The following ITPRID1 variants were observed in gnomAD, a reference collection of about 807,000 sequenced individuals.
ITPRID1 encodes the protein ITPR interacting domain containing 1.
ITPRID1 carries 96 observed loss-of-function variants against 95.4 expected under a neutral mutation model. The ratio of observed to expected loss-of-function variants is 1.01; its 90% CI spans 0.85 to 1.19. The LOEUF (loss-of-function observed/expected upper bound fraction) is 1.19, where lower values mean the gene tolerates loss of function less well. Ranked by LOEUF, ITPRID1 falls within the 50% of genes most tolerant of loss-of-function variation. The pLI, the probability that ITPRID1 is intolerant of heterozygous loss-of-function variation, is 0.00. For missense variants in ITPRID1, 1,339 were observed against 1,252.9 expected (o/e 1.07, Z -1.04); for synonymous variants, 510 against 453.6 (o/e 1.12, Z -1.58).
At position 31,654,869 on chromosome 7, in the gene ITPRID1, T is replaced by C. The variant is rs1018254176; in HGVS notation, c.*2040T>C. Among the ~76,000 whole-genome samples, 4 of 152,096 alleles carry C rather than the reference T, an allele frequency of 2.6e-5. No individual in the cohort carries two copies. The highest frequency in any genetic ancestry group is 9.7e-5 in the African/African-American group (4 of 41,404). On this transcript the variant is annotated 3_prime_UTR_variant, in exon 15 of 15. Coordinates refer to ENST00000615280, the MANE Select transcript of ITPRID1 (RefSeq NM_001257967.3). ...ACCCACTACTCAAAACCATCTCACA[T>C]CTTGCTTGCACTCTTCCCCTTCCTT... is the stretch of plus-strand genomic sequence containing the variant.
In ITPRID1 at chr7:31,646,458, C is replaced by T. The variant is rs116614205; in HGVS notation, c.2583+2505C>T. ...GTAGGCTGGAAAGAGTAAGAGGTGG[C>T]CCTGGGGGAAAAGGCACAGGAACCC... is the stretch of plus-strand genomic sequence containing the variant. On this transcript the variant is annotated intron_variant, in intron 12 of 14. Transcript: ENST00000615280. Among the ~76,000 whole-genome samples, 143 of 152,162 alleles carry T rather than the reference C, an allele frequency of 9.4e-4. 1 individual carries two copies. The highest frequency in any genetic ancestry group is 3.3e-3 in the African/African-American group (138 of 41,516).
At chr7:31,558,547 A>G (rs912665076) in intron 5 of ITPRID1, among the ~76,000 whole-genome samples, 20 of 152,208 alleles carry the variant, frequency 1.3e-4, no homozygotes, top group Admixed American at 1.3e-4. Context: ...GTCAAAGGGT[A>G]TAAACTTGCA....
Position 31,652,153 on chromosome 7 carries a change from A to G in ITPRID1, c.2823+103A>G, listed in dbSNP as rs917333628. ...TGCAATCATTTCAGAATCTAGGTTT[A>G]CATGCCAACACCTTCATTTTAAGTA... is the stretch of plus-strand genomic sequence containing the variant. On this transcript the variant is annotated intron_variant, in intron 14 of 14. Transcript: ENST00000615280. 6.5e-5 allele frequency: 57 copies of G among 871,244 alleles called. No homozygotes were observed. The East Asian group carries it at 1.4e-3, about 22-fold the overall frequency. 54.0% of individuals were successfully genotyped at this position (871,244 alleles called of 1,614,324 possible). A position where few individuals can be genotyped will look rare whatever the true frequency, so the allele number is the denominator to read the frequency against.
At chr7:31,578,538 G>A in intron 9 of ITPRID1, 104 bp downstream of exon 9, 1 of 797,518 alleles carries the variant, frequency 1.3e-6, no homozygotes, top group Non-Finnish European at 1.9e-6. Context: ...TAATCCCTCA[G>A]CATTACTTCT....
intron 10 of ITPRID1, among the ~76,000 whole-genome samples, chr7:31,635,541 T>C (rs1049786945): frequency 2.6e-5 from 4 of 152,212 alleles, no homozygotes; most frequent in Admixed American, 2.0e-4. Flanking sequence ...TTTACACAAG[T>C]ACAGTTAATG....
At chr7:31,620,249 A>C (rs1016211444) in intron 10 of ITPRID1, among the ~76,000 whole-genome samples, 9 of 152,106 alleles carry the variant, frequency 5.9e-5, no homozygotes, top group Admixed American at 6.6e-5. Flanking sequence ...AGCTTTGAAG[A>C]GAGCAGTGGT....
chr7:31,554,479 T>C lies in ITPRID1; in HGVS notation c.168T>C (p.Asp56=), dbSNP rs774028957. ...SQSLTIPMLE[D]SKQESIQQWL... ...TCTGTTCTTTCTTACTTGTAGAAGA[T>C]TCCAAGCAAGAAAGTATTCAGCAGT... The change falls in exon 4 of 15, where the codon GAT becomes GAC. Residue 56 remains aspartate, a synonymous_variant. Coordinates refer to ENST00000615280, the MANE Select transcript of ITPRID1 (RefSeq NM_001257967.3). 19 of 1,612,514 alleles carry C rather than the reference T, an allele frequency of 1.2e-5. No individual in the cohort carries two copies. The highest frequency in any genetic ancestry group is 1.6e-5 in the Non-Finnish European group (19 of 1,179,250).
chr7:31,519,960 CTT>C (rs201974333), intron 1 of ITPRID1, among the ~76,000 whole-genome samples: 1 of 148,036 alleles, frequency 6.8e-6, no homozygotes, highest in African/African-American at 2.5e-5. Flanking sequence ...TTTTACCTAA[CTT>C]TTTTTTTTGT....
rs150689455 is a variant in ITPRID1, at chr7:31,613,445, T to C, written c.1229-28731T>C. Among the ~76,000 whole-genome samples the C allele has an allele frequency of 1.1e-3, 170 of 152,316 alleles. 2 individuals are homozygous for C. Among genetic ancestry groups the C allele is most frequent in the African/African-American group, 3.9e-3 (162 of 41,566 alleles). ...TTCCACTACCTCAGAAGTACTTCCC[T>C]CTCTTTGTCTTTTTAATAAAACCAA... On this transcript the variant is annotated intron_variant, in intron 10 of 14. Transcript: ENST00000615280.
At chr7:31,586,123 AATG>A (rs1785593724) in intron 10 of ITPRID1, among the ~76,000 whole-genome samples, 1 of 136,642 alleles carries the variant, frequency 7.3e-6, no homozygotes, top group Non-Finnish European at 1.6e-5. Flanking sequence ...GTTTACTGAG[AATG>A]ATGATTTCCA....
Position 31,652,023 on chromosome 7 carries a change from T to C in ITPRID1, c.2796T>C (p.Ala932=), listed in dbSNP as rs956476291. The change falls in exon 14 of 15, where the codon GCT becomes GCC. Residue 932 remains alanine, a synonymous_variant. Coordinates refer to ENST00000615280, the MANE Select transcript of ITPRID1 (RefSeq NM_001257967.3). ...TGGAATTTCAGTTAGGAGACCGGGC[T>C]CAGCAAATCAGAGAAGGGATTTTAC... is the stretch of plus-strand genomic sequence containing the variant. The part of the protein sequence containing the change: ...AELEFQLGDR[A]QQIREGILLQ... 8 of 1,602,258 alleles carry C rather than the reference T, an allele frequency of 5.0e-6. 1 individual carries two copies. In the South Asian group the frequency reaches 9.1e-5, roughly 18 times the overall value.
intron 10 of ITPRID1, among the ~76,000 whole-genome samples, chr7:31,589,534 C>T (rs1785772960): frequency 6.6e-6 from 1 of 151,930 alleles, no homozygotes; most frequent in Non-Finnish European, 1.5e-5. Context: ...AGAAAACCAC[C>T]TAAATAATAC....
In ITPRID1 at chr7:31,642,678, A is replaced by G. The variant is rs776230297; in HGVS notation, c.1312-4A>G. On this transcript the variant is annotated splice_region_variant and splice_polypyrimidine_tract_variant and intron_variant, in intron 11 of 14. Transcript: ENST00000615280. ...GTTTCCCTTTGTCCTGGTTTCCCCT[A>G]CAGATGCCTTCCTTGCCAAACAGCC... 1.6e-5 allele frequency: 26 copies of G among 1,612,300 alleles called. No homozygotes were observed. In the Middle Eastern group the frequency reaches 4.9e-4, roughly 31 times the overall value.
At chr7:31,617,864 G>C (rs897923988) in intron 10 of ITPRID1, among the ~76,000 whole-genome samples, 3 of 152,196 alleles carry the variant, frequency 2.0e-5, no homozygotes, top group Non-Finnish European at 4.4e-5. Context: ...TAAGAAGAGA[G>C]TTACTTTTAT....
At chr7:31,633,309 T>C (rs916575403) in intron 10 of ITPRID1, among the ~76,000 whole-genome samples, 3 of 152,104 alleles carry the variant, frequency 2.0e-5, no homozygotes, top group Non-Finnish European at 4.4e-5. Context: ...AAATGTAAAA[T>C]GCTAAGGTAG....
At chr7:31,529,588 C>T (rs1783528612) in intron 1 of ITPRID1, 1 of 545,788 alleles carries the variant, frequency 1.8e-6, no homozygotes, top group East Asian at 2.9e-5. Flanking sequence ...GTGTCTTTAC[C>T]CTCAACTTGA....
intron 10 of ITPRID1, among the ~76,000 whole-genome samples, chr7:31,639,586 G>C (rs1387164671): frequency 1.4e-5 from 2 of 147,964 alleles, no homozygotes; most frequent in Non-Finnish European, 3.0e-5. Context: ...TCCCAGGCTG[G>C]AGTGCAGTGG....
intron 12 of ITPRID1, among the ~76,000 whole-genome samples, chr7:31,647,255 T>G (rs1428275707): frequency 6.6e-6 from 1 of 152,162 alleles, no homozygotes; most frequent in African/African-American, 2.4e-5. Flanking sequence ...AAAATTGGCT[T>G]TAAATTAGAT....
intron 5 of ITPRID1, among the ~76,000 whole-genome samples, chr7:31,568,777 G>A (rs1784885839): frequency 6.6e-6 from 1 of 152,084 alleles, no homozygotes; most frequent in South Asian, 2.1e-4. Context: ...AACCTTTCGT[G>A]GTTTTCATGT....
Sources: allele counts gnomAD v4.1 joint callset (sites outside exome capture counted in the v4.1 genomes callset), GRCh38; gene constraint gnomAD v4.1.1; transcripts MANE v1.5; gene names NCBI Gene and HGNC (gene_info 2026-07-23, HGNC 2026-07-21).